RAD54B: variants seen among roughly 807,000 people sequenced by gnomAD.
RAD54B encodes DNA repair and recombination protein RAD54B.
Under a neutral mutation model 95.8 loss-of-function variants are expected in RAD54B, and 78 were observed. The ratio of observed to expected loss-of-function variants is 0.81; its 90% CI spans 0.68 to 0.98. The LOEUF is 0.98. RAD54B is among the 50% of genes least tolerant of loss of function. The pLI is 0.00. For missense variants in RAD54B, 957 were observed against 1,056.6 expected, an observed-to-expected ratio of 0.91 and a Z score of 1.31; for synonymous variants, 328 against 354.9, an observed-to-expected ratio of 0.92 and a Z score of 0.85.
chr8:94,389,287 C>G (rs1329934448), intron 10 of RAD54B, among the ~76,000 whole-genome samples: 2 of 152,190 alleles, frequency 1.3e-5, no homozygotes, highest in Non-Finnish European at 2.9e-5. Context: ...AGTTCTTAAC[C>G]AAGAACACGT....
chr8:94,428,317 T>C, intron 3 of RAD54B: 1 of 983,340 alleles, frequency 1.0e-6, no homozygotes, highest in Non-Finnish European at 1.2e-6. Context: ...CCCAAACAAT[T>C]GTCTATGATA....
intron 3 of RAD54B, among the ~76,000 whole-genome samples, chr8:94,448,138 A>G (rs539299266): frequency 4.4e-4 from 67 of 152,270 alleles, no homozygotes; most frequent in African/African-American, 1.6e-3. Context: ...ATGAAAGACA[A>G]GATAGGAAGA....
chr8:94,392,694 C>A (rs1811050123), intron 9 of RAD54B, among the ~76,000 whole-genome samples: 1 of 150,464 alleles, frequency 6.6e-6, no homozygotes, highest in Non-Finnish European at 1.5e-5. Flanking sequence ...ACCTCCCAGG[C>A]TCAAGCAATC....
At chr8:94,420,170 A>G (rs1405489184) in intron 3 of RAD54B, among the ~76,000 whole-genome samples, 2 of 152,014 alleles carry the variant, frequency 1.3e-5, no homozygotes, top group African/African-American at 4.8e-5. Context: ...TTCTCAGAAC[A>G]TATTCCTGTC....
intron 3 of RAD54B, among the ~76,000 whole-genome samples, chr8:94,422,646 ATATATAT>A (rs1232680264): frequency 2.5e-4 from 31 of 121,964 alleles, no homozygotes; most frequent in Non-Finnish European, 3.6e-4. Context: ...ATATATATAT[ATATATAT>A]AAAATTATCA....
At chr8:94,389,993 C>T (rs1810977194) in intron 10 of RAD54B, among the ~76,000 whole-genome samples, 1 of 152,008 alleles carries the variant, frequency 6.6e-6, no homozygotes, top group Non-Finnish European at 1.5e-5. Flanking sequence ...CTATTTTTAC[C>T]GTGCTTCATG....
intron 3 of RAD54B, among the ~76,000 whole-genome samples, chr8:94,421,007 T>C (rs552500061): frequency 1.3e-3 from 194 of 150,800 alleles, no homozygotes; most frequent in African/African-American, 4.4e-3. Flanking sequence ...AAAAGAGATG[T>C]TTTCCTACCA....
chr8:94,388,005 A>G (rs1257650098), intron 10 of RAD54B, among the ~76,000 whole-genome samples: 1 of 152,194 alleles, frequency 6.6e-6, no homozygotes, highest in Non-Finnish European at 1.5e-5. Context: ...CCAATCCTAT[A>G]AACACTTGAG....
Position 94,403,711 on chromosome 8 carries a change from A to G in RAD54B, c.944+366T>C, listed in dbSNP as rs1164936648. On this transcript the variant is annotated intron_variant, in intron 6 of 14. Transcript: ENST00000336148. Reference sequence around the variant, plus strand: ...AAAAAAATTCTTATAACCAGAATTAAAAGCCTCTTTCACTTGCTCTTATGA... The same window carrying G: ...AAAAAAATTCTTATAACCAGAATTAGAAGCCTCTTTCACTTGCTCTTATGA... Among the ~76,000 whole-genome samples, 7 of 152,272 alleles carry G rather than the reference A, an allele frequency of 4.6e-5. No individual in the cohort carries two copies. The South Asian group carries it at 1.4e-3, about 32-fold the overall frequency.
chr8:94,384,353 GGATAAACCT>G (rs1490066523), intron 11 of RAD54B, among the ~76,000 whole-genome samples: 1 of 152,040 alleles, frequency 6.6e-6, no homozygotes, highest in East Asian at 1.9e-4. Context: ...GCTACAACAT[GGATAAACCT>G]GGAGGACATT....
intron 3 of RAD54B, among the ~76,000 whole-genome samples, chr8:94,454,636 T>C (rs1422071712): frequency 1.3e-5 from 2 of 152,222 alleles, no homozygotes; most frequent in Non-Finnish European, 2.9e-5. Context: ...GATGGCTTAA[T>C]TCATTCACCA....
At chr8:94,460,182 C>T (rs1189183558) in intron 2 of RAD54B, among the ~76,000 whole-genome samples, 1 of 141,734 alleles carries the variant, frequency 7.1e-6, no homozygotes, top group Non-Finnish European at 1.5e-5. Flanking sequence ...GAAACGAGAT[C>T]AGTCATGGCC....
chr8:94,402,897 A>AT (rs1244823791), intron 6 of RAD54B, among the ~76,000 whole-genome samples: 1 of 152,240 alleles, frequency 6.6e-6, no homozygotes, highest in Non-Finnish European at 1.5e-5. Flanking sequence ...GACAGAAAAG[A>AT]TTAGGAAACA....
chr8:94,372,489 A>G (rs1810465744), intron 14 of RAD54B, 102 bp from the exon 15 acceptor site: 1 of 1,502,192 alleles, frequency 6.7e-7, no homozygotes, highest in Admixed American at 2.6e-5. Context: ...GATTTATTAC[A>G]TTTGATCACC....
At chr8:94,399,768 A>T (rs1811224649) in intron 7 of RAD54B, 147 bp from the exon 8 acceptor site, 1 of 1,103,198 alleles carries the variant, frequency 9.1e-7, no homozygotes, top group Admixed American at 2.9e-5. Flanking sequence ...TATAAACAAA[A>T]TACCATAGAT....
chr8:94,403,011 T>A (rs1309228240), intron 6 of RAD54B, among the ~76,000 whole-genome samples: 1 of 152,158 alleles, frequency 6.6e-6, no homozygotes, highest in African/African-American at 2.4e-5. Flanking sequence ...GATAAGACCT[T>A]CGAAAGAAAA....
intron 3 of RAD54B, among the ~76,000 whole-genome samples, chr8:94,441,107 C>G (rs1166686419): frequency 6.6e-6 from 1 of 152,042 alleles, no homozygotes; most frequent in Non-Finnish European, 1.5e-5. Flanking sequence ...GCATGCAGCC[C>G]CTGTCACGTA....
Position 94,399,472 on chromosome 8 carries a change from G to A in RAD54B, c.1320C>T (p.Ala440=), listed in dbSNP as rs1041959972. 9.3e-6 allele frequency: 15 copies of A among 1,613,462 alleles called. No homozygotes were observed. Among genetic ancestry groups the A allele is most frequent in the Non-Finnish European group, 1.3e-5 (15 of 1,179,652 alleles). ...CDEGHRLKNS[A]IKTTTALISL... The stretch of plus-strand genomic sequence containing the variant: ...TAATGAGGGCTGTAGTTGTCTTAAT[G>A]GCACTGTTCTTCAAACGATGCCCCT... The change falls in exon 8 of 15, where the codon GCC becomes GCT. Residue 440 remains alanine (A), a synonymous_variant. Coordinates refer to ENST00000336148, the MANE Select transcript of RAD54B (RefSeq NM_012415.3).
At chr8:94,466,148 A>G (rs1037896186) in intron 2 of RAD54B, among the ~76,000 whole-genome samples, 8 of 152,338 alleles carry the variant, frequency 5.3e-5, no homozygotes, top group African/African-American at 1.9e-4. Flanking sequence ...TAAAAATGGT[A>G]ATGTGGCAAA....
Sources: allele counts gnomAD v4.1 joint callset (sites outside exome capture counted in the v4.1 genomes callset), GRCh38; gene constraint gnomAD v4.1.1; transcripts MANE v1.5; gene names NCBI Gene and HGNC (gene_info 2026-07-23, HGNC 2026-07-21).